DMD: variants seen among roughly 807,000 people sequenced by gnomAD.
DMD encodes dystrophin.
A neutral mutation model predicts 330.1 loss-of-function variants in DMD; 63 were observed. The ratio of observed to expected loss-of-function variants is 0.19; its 90% CI spans 0.16 to 0.24. The LOEUF is 0.24. Among genes scored for constraint, DMD ranks in the 10% least tolerant of loss-of-function variants. The probability of loss-of-function intolerance (pLI) is 1.00; values close to 1 mark genes in which losing one functional copy is unlikely to be tolerated. For missense variants in DMD, 3,344 were observed against 2,684.1 expected (o/e 1.25, Z -5.43); for synonymous variants, 1,223 against 959.8 (o/e 1.27, Z -5.07).
chrX:32,809,720 A>G (rs2077205203), intron 6 of DMD, 109 bp from the exon 7 acceptor site: 2 of 606,422 alleles, frequency 3.3e-6, no homozygotes, highest in East Asian at 7.0e-5. Flanking sequence ...CAATGCCCAT[A>G]GTCCTTAAGT....
intron 60 of DMD, among the ~76,000 whole-genome samples, chrX:31,383,460 T>C: frequency 1.8e-5 from 2 of 112,144 alleles, no homozygotes; most frequent in East Asian, 5.6e-4. Flanking sequence ...TTGCTGCTGC[T>C]ACTACTACTA....
At chrX:32,484,498 T>G (rs2042229529) in intron 21 of DMD, among the ~76,000 whole-genome samples, 1 of 112,312 alleles carries the variant, frequency 8.9e-6, no homozygotes, top group South Asian at 3.6e-4. Flanking sequence ...AGTTGCCACA[T>G]GTATGCTAAA....
intron 1 of DMD, among the ~76,000 whole-genome samples, chrX:33,258,014 C>CA (rs1310161420): frequency 9.0e-6 from 1 of 110,929 alleles, no homozygotes; most frequent in Non-Finnish European, 1.9e-5. Flanking sequence ...AACCAGTTTC[C>CA]AAAAAAGTCT....
At chrX:32,596,323 C>T (rs1165646442) in intron 12 of DMD, among the ~76,000 whole-genome samples, 2 of 109,165 alleles carry the variant, frequency 1.8e-5, no homozygotes, top group Non-Finnish European at 3.8e-5. Flanking sequence ...ACAAATGTAT[C>T]CTATAGTTAC....
At chrX:31,610,740 C>T (rs2077866776) in intron 55 of DMD, among the ~76,000 whole-genome samples, 1 of 111,434 alleles carries the variant, frequency 9.0e-6, no homozygotes, top group East Asian at 2.8e-4. Context: ...AATTTTTATT[C>T]TGATATTGTA....
At chrX:33,255,777 T>C (rs190377471) in intron 1 of DMD, among the ~76,000 whole-genome samples, 26 of 111,488 alleles carry the variant, frequency 2.3e-4, no homozygotes, top group African/African-American at 8.4e-4. Flanking sequence ...TCTTCTTTGA[T>C]CTTATGCAAT....
chrX:32,735,922 T>C (rs974442389), intron 7 of DMD, among the ~76,000 whole-genome samples: 5 of 112,001 alleles, frequency 4.5e-5, no homozygotes, highest in African/African-American at 1.6e-4. Context: ...AAATGGGATC[T>C]CGTTAAACTA....
intron 59 of DMD, among the ~76,000 whole-genome samples, chrX:31,473,720 A>AAAAAAAAAAAAAAAAAAAAAG (rs1310270784): frequency 7.7e-5 from 8 of 104,371 alleles, no homozygotes; most frequent in African/African-American, 1.8e-4. Flanking sequence ...TCAAAAAAAA[A>AAAAAAAAAAAAAAAAAAAAAG]AAAAAAAAGA....
rs781003275 is a variant in DMD, at chrX:32,463,431, G to C, written c.3432+8C>G. The C allele has an allele frequency of 2.5e-6, 3 of 1,200,666 alleles. No homozygotes were observed. Among genetic ancestry groups the C allele is most frequent in the Non-Finnish European group, 3.4e-6 (3 of 890,020 alleles). On this transcript the variant is annotated splice_region_variant and intron_variant, in intron 25 of 78. Coordinates refer to ENST00000357033, the MANE Select transcript of DMD (RefSeq NM_004006.3). ...GAGGCAAGCCACAGTGAAAGAGATT[G>C]TCTATACCTGTTGGCACATGTGATC...
intron 44 of DMD, among the ~76,000 whole-genome samples, chrX:31,973,716 A>G (rs2095416148): frequency 8.9e-6 from 1 of 111,819 alleles, no homozygotes; most frequent in African/African-American, 3.2e-5. Flanking sequence ...CTCTTTCTAG[A>G]GGACTTTTAA....
chrX:32,697,727 G>A, intron 9 of DMD, 143 bp downstream of exon 9: 1 of 747,837 alleles, frequency 1.3e-6, no homozygotes, highest in East Asian at 3.5e-5. Flanking sequence ...ATCACATGAG[G>A]GAATCAATAA....
At chrX:32,776,167 G>A (rs1434318086) in intron 7 of DMD, among the ~76,000 whole-genome samples, 2 of 110,896 alleles carry the variant, frequency 1.8e-5, no homozygotes, top group Non-Finnish European at 3.8e-5. Context: ...ATCTCCATCT[G>A]AGACTATCTC....
intron 52 of DMD, among the ~76,000 whole-genome samples, chrX:31,693,692 G>GA (rs1297809385): frequency 1.8e-5 from 2 of 111,397 alleles, no homozygotes; most frequent in Admixed American, 1.9e-4. Context: ...ATAATAGCAT[G>GA]AAAAAATATT....
chrX:31,284,566 C>CTTCTT (rs2052923252), intron 62 of DMD, among the ~76,000 whole-genome samples: 1 of 56,050 alleles, frequency 1.8e-5, no homozygotes, highest in African/African-American at 7.2e-5. Flanking sequence ...GTTTCTTCTT[C>CTTCTT]TTCTTCTTCT....
At chrX:31,312,787 A>C in intron 62 of DMD, among the ~76,000 whole-genome samples, 1 of 112,320 alleles carries the variant, frequency 8.9e-6, no homozygotes, top group Non-Finnish European at 1.9e-5. Flanking sequence ...ATAAAAAGGA[A>C]TGAGATCACG....
At chrX:32,797,672 G>C (rs190048769) in intron 7 of DMD, among the ~76,000 whole-genome samples, 1 of 111,723 alleles carries the variant, frequency 9.0e-6, no homozygotes, top group Non-Finnish European at 1.9e-5. Flanking sequence ...CATCCACAAA[G>C]TGTCTATTAC....
At chrX:32,488,749 A>G (rs2042715364) in intron 20 of DMD, among the ~76,000 whole-genome samples, 1 of 111,227 alleles carries the variant, frequency 9.0e-6, no homozygotes, top group Non-Finnish European at 1.9e-5. Flanking sequence ...GGTGATCTCC[A>G]TTTGTTCCTC....
intron 18 of DMD, among the ~76,000 whole-genome samples, chrX:32,503,869 T>G (rs905811693): frequency 8.9e-6 from 1 of 111,911 alleles, no homozygotes; most frequent in African/African-American, 3.3e-5. Flanking sequence ...AATAAAGGTT[T>G]TCTTAAAAAT....
rs773670818 is a variant in DMD, at chrX:31,996,740, G to A, written c.6439-28226C>T. On this transcript the variant is annotated intron_variant, in intron 44 of 78. Transcript: ENST00000357033. ...ATCCTCAGCCTTACGTAGCGTTGCA[G>A]GCATATAACCGGTCCAAAACAATAA... Among the ~76,000 whole-genome samples the A allele has an allele frequency of 1.3e-3, 139 of 111,102 alleles. 1 individual carries two copies. Among genetic ancestry groups the A allele is most frequent in the Middle Eastern group, 4.6e-3 (1 of 216 alleles).
Sources: allele counts gnomAD v4.1 joint callset (sites outside exome capture counted in the v4.1 genomes callset), GRCh38; gene constraint gnomAD v4.1.1; transcripts MANE v1.5; gene names NCBI Gene and HGNC (gene_info 2026-07-23, HGNC 2026-07-21).